CRPPA: variants seen among roughly 807,000 people sequenced by gnomAD.
The protein encoded by CRPPA is CDP-L-ribitol pyrophosphorylase A.
In CRPPA, 43 loss-of-function variants were observed where a neutral mutation model predicts 52.0. The observed-to-expected ratio is 0.83, with a 90% CI of 0.65 to 1.07. The LOEUF is 1.07. CRPPA is among the 50% of genes least tolerant of loss of function. The pLI, the probability that CRPPA is intolerant of heterozygous loss-of-function variation, is 0.00. For missense variants in CRPPA, 629 were observed against 551.7 expected, an observed-to-expected ratio of 1.14 and a Z score of -1.40; for synonymous variants, 250 against 203.5, an observed-to-expected ratio of 1.23 and a Z score of -1.94.
chr7:16,121,756 T>C (rs1186786171), intron 9 of CRPPA, among the ~76,000 whole-genome samples: 1 of 152,050 alleles, frequency 6.6e-6, no homozygotes, highest in Non-Finnish European at 1.5e-5. Context: ...CATAAAATGA[T>C]AAGCCACAGG....
chr7:16,326,882 G>C (rs1436856523), intron 3 of CRPPA, among the ~76,000 whole-genome samples: 1 of 118,678 alleles, frequency 8.4e-6, no homozygotes, highest in East Asian at 2.3e-4. Flanking sequence ...TTTGTCAAGA[G>C]CCTAAATACT....
At chr7:16,280,115 A>ACCTCCCACTGGGTC (rs1355338110) in intron 5 of CRPPA, among the ~76,000 whole-genome samples, 2 of 152,036 alleles carry the variant, frequency 1.3e-5, no homozygotes, top group Admixed American at 6.6e-5. Flanking sequence ...TGATTCAATT[A>ACCTCCCACTGGGTC]CCTCCCACTG....
At chr7:16,336,139 T>C (rs1280155235) in intron 3 of CRPPA, among the ~76,000 whole-genome samples, 1 of 152,194 alleles carries the variant, frequency 6.6e-6, no homozygotes, top group Non-Finnish European at 1.5e-5. Flanking sequence ...GGAAAAAGGC[T>C]ATGAATTAAT....
At chr7:16,219,655 C>A (rs1353925507) in intron 8 of CRPPA, among the ~76,000 whole-genome samples, 89 of 112,076 alleles carry the variant, frequency 7.9e-4, no homozygotes, top group African/African-American at 2.7e-3. Flanking sequence ...TCAGAGAATA[C>A]TACAAACACC....
intron 3 of CRPPA, among the ~76,000 whole-genome samples, chr7:16,345,415 C>A (rs577644970): frequency 6.6e-6 from 1 of 152,114 alleles, no homozygotes; most frequent in East Asian, 1.9e-4. Flanking sequence ...TAAAGAGGAC[C>A]AGTAAAAGTA....
chr7:16,334,255 T>C lies in CRPPA; in HGVS notation c.685-25628A>G, dbSNP rs375683551. Among the ~76,000 whole-genome samples, 5 of 152,230 alleles carry C rather than the reference T, an allele frequency of 3.3e-5. No homozygotes were observed. In the East Asian group the frequency reaches 7.8e-4, roughly 24 times the overall value. On this transcript the variant is annotated intron_variant, in intron 3 of 9. Transcript: ENST00000407010. Reference sequence around the variant, plus strand: ...GTTCAGGTCAAGAAGCAACTACAGGTCAGCGATTATGTGCACAGGGGGCAC... The same window carrying C: ...GTTCAGGTCAAGAAGCAACTACAGGCCAGCGATTATGTGCACAGGGGGCAC...
intron 2 of CRPPA, among the ~76,000 whole-genome samples, chr7:16,399,375 G>A (rs1787727623): frequency 6.6e-6 from 1 of 151,736 alleles, no homozygotes; most frequent in African/African-American, 2.4e-5. Context: ...TGACACATTT[G>A]TGACACGATT....
intron 8 of CRPPA, among the ~76,000 whole-genome samples, chr7:16,255,086 A>G (rs1378857865): frequency 3.9e-5 from 6 of 152,246 alleles, no homozygotes; most frequent in Non-Finnish European, 8.8e-5. Flanking sequence ...AAGCAACTTC[A>G]GCAAAGTCTC....
chr7:16,105,501 T>G (rs538724306), intron 9 of CRPPA, among the ~76,000 whole-genome samples: 159 of 152,250 alleles, frequency 1.0e-3, no homozygotes, highest in African/African-American at 3.7e-3. Context: ...TATTATTTCA[T>G]AGAAAACAGT....
At chr7:16,387,090 C>CATGTATATATATATATAT (rs1463920056) in intron 2 of CRPPA, among the ~76,000 whole-genome samples, 3 of 43,160 alleles carry the variant, frequency 7.0e-5, no homozygotes, top group African/African-American at 2.8e-4. Context: ...TATATATACA[C>CATGTATATATATATATAT]ACATATATAT....
At chr7:16,105,942 A>G (rs148117970) in intron 9 of CRPPA, among the ~76,000 whole-genome samples, 2 of 152,294 alleles carry the variant, frequency 1.3e-5, no homozygotes, top group Non-Finnish European at 2.9e-5. Flanking sequence ...AAATGAATGG[A>G]CTACACCAGT....
chr7:16,389,928 A>AAAAAAAAAAAAAAATAT, intron 2 of CRPPA, among the ~76,000 whole-genome samples: 2 of 29,760 alleles, frequency 6.7e-5, no homozygotes, highest in African/African-American at 1.7e-4. Flanking sequence ...AAAAAAAAAA[A>AAAAAAAAAAAAAAATAT]ATATATATAT....
At chr7:16,381,830 T>A (rs1338432428) in intron 2 of CRPPA, among the ~76,000 whole-genome samples, 4 of 151,974 alleles carry the variant, frequency 2.6e-5, no homozygotes, top group African/African-American at 9.7e-5. Context: ...CTTTTTTTGT[T>A]TTCCATTTGC....
intron 1 of CRPPA, among the ~76,000 whole-genome samples, chr7:16,419,517 T>TA (rs1554369871): frequency 6.6e-6 from 1 of 152,124 alleles, no homozygotes; most frequent in East Asian, 1.9e-4. Context: ...AGATTAGAAA[T>TA]TACAGTTTAG....
chr7:16,096,151 C>T (rs528531731), intron 9 of CRPPA, among the ~76,000 whole-genome samples: 2 of 152,176 alleles, frequency 1.3e-5, no homozygotes, highest in African/African-American at 4.8e-5. Context: ...AATACAACTG[C>T]TTGCTAGAAC....
At chr7:16,115,448 C>A (rs779813520) in intron 9 of CRPPA, among the ~76,000 whole-genome samples, 1 of 152,108 alleles carries the variant, frequency 6.6e-6, no homozygotes, top group Non-Finnish European at 1.5e-5. Flanking sequence ...CGAATACACT[C>A]AGTTACAAAT....
chr7:16,123,692 T>C (rs1363219428), intron 9 of CRPPA, among the ~76,000 whole-genome samples: 2 of 152,158 alleles, frequency 1.3e-5, no homozygotes, highest in Non-Finnish European at 2.9e-5. Context: ...CATTAAACTC[T>C]GGAAATCCGT....
intron 5 of CRPPA, among the ~76,000 whole-genome samples, chr7:16,289,957 G>A (rs576196467): frequency 5.3e-5 from 8 of 152,128 alleles, no homozygotes; most frequent in Middle Eastern, 3.4e-3. Context: ...TCTTAGAATT[G>A]ATATTTAGTA....
chr7:16,153,313 T>A (rs1783112178), intron 9 of CRPPA, among the ~76,000 whole-genome samples: 1 of 152,050 alleles, frequency 6.6e-6, no homozygotes, highest in African/African-American at 2.4e-5. Context: ...GTGAGCAAAG[T>A]CTTTCCCTGT....
Sources: gnomAD v4.1 joint callset for allele counts (sites outside exome capture counted in the v4.1 genomes callset) on GRCh38, gnomAD v4.1.1 for gene constraint, MANE v1.5 for transcripts, NCBI Gene and HGNC (gene_info 2026-07-23, HGNC 2026-07-21) for gene names.